ABL2: variants seen among roughly 807,000 people sequenced by gnomAD.
The protein encoded by ABL2 is ABL proto-oncogene 2, non-receptor tyrosine kinase.
ABL2 carries 49 observed loss-of-function variants against 107.7 expected under a neutral mutation model. That is an observed-to-expected ratio of 0.45 (90% confidence interval 0.36 to 0.58). The LOEUF (loss-of-function observed/expected upper bound fraction) is 0.58. Ranked by LOEUF, ABL2 falls within the 20% of genes least tolerant of loss-of-function variation. ABL2 has a pLI of 0.00. For synonymous variants in ABL2, 549 were observed against 548.6 expected (o/e 1.00, Z -0.01); for missense variants, 1,245 against 1,457.0 (o/e 0.85, Z 2.37).
At chr1:179,211,883 T>C (rs1358566022) in intron 1 of ABL2, among the ~76,000 whole-genome samples, 1 of 152,182 alleles carries the variant, frequency 6.6e-6, no homozygotes, top group Admixed American at 6.5e-5. Context: ...GAATAAAATC[T>C]GCACTGTAAC....
chr1:179,161,198 A>C (rs760170794), intron 1 of ABL2, among the ~76,000 whole-genome samples: 11 of 152,078 alleles, frequency 7.2e-5, no homozygotes, highest in Admixed American at 2.0e-4. Flanking sequence ...TCAAGGTATG[A>C]ATTACAGTAT....
chr1:179,118,027 C>T (rs1654824285), intron 7 of ABL2, among the ~76,000 whole-genome samples: 2 of 151,954 alleles, frequency 1.3e-5, no homozygotes, highest in Non-Finnish European at 2.9e-5. Context: ...GTGGCATATT[C>T]CCGTAATCCC....
At chr1:179,201,597 T>G in intron 1 of ABL2, 1 of 404,068 alleles carries the variant, frequency 2.5e-6, no homozygotes. Flanking sequence ...GGGCTGGTTA[T>G]TTCCTCTGCC....
chr1:179,099,407 G>A lies in ABL2; in HGVS notation c.*8311C>T, dbSNP rs1230395901. The A allele has an allele frequency of 4.7e-6, 1 of 210,824 alleles. No individual in the cohort carries two copies. The highest frequency in any genetic ancestry group is 2.3e-5 in the African/African-American group (1 of 44,128). The allele number at this position is 210,824 out of a possible 1,614,324, so 13.1% of individuals were successfully genotyped here. ...ACCTTGTGAGAAGACAGAGAAAGCA[G>A]TCCCTTTCAAGGGCCTCATTTATTT... is the stretch of plus-strand genomic sequence containing the variant. On this transcript the variant is annotated 3_prime_UTR_variant, in exon 12 of 12. Transcript: ENST00000502732.
Position 179,120,294 on chromosome 1 carries a change from A to G in ABL2, c.961-20T>C. ...ATCTTCCTAGAAAAAGGGAAAGGTAAGAAAGAAGAAAACGAGAGGGACAAA... is the reference window on the plus strand; with the variant it reads ...ATCTTCCTAGAAAAAGGGAAAGGTAGGAAAGAAGAAAACGAGAGGGACAAA... On this transcript the variant is annotated intron_variant, in intron 5 of 11. Coordinates refer to ENST00000502732, the MANE Select transcript of ABL2 (RefSeq NM_007314.4). The G allele has an allele frequency of 6.5e-7, 1 of 1,543,194 alleles. No homozygotes were observed. Among genetic ancestry groups the G allele is most frequent in the Non-Finnish European group, 8.9e-7 (1 of 1,122,494 alleles).
intron 1 of ABL2, among the ~76,000 whole-genome samples, chr1:179,193,741 T>C (rs1035720500): frequency 6.6e-6 from 1 of 151,410 alleles, no homozygotes; most frequent in Non-Finnish European, 1.5e-5. Flanking sequence ...GTTTTTTTGG[T>C]TTTTTTTGGA....
At chr1:179,127,797 TGA>T (rs1297680324) in intron 3 of ABL2, among the ~76,000 whole-genome samples, 2 of 152,010 alleles carry the variant, frequency 1.3e-5, no homozygotes, top group African/African-American at 4.8e-5. Context: ...TTTGGGAGGC[TGA>T]GAGGGGCGGA....
intron 4 of ABL2, among the ~76,000 whole-genome samples, chr1:179,125,369 G>A (rs1465149266): frequency 2.6e-5 from 4 of 152,318 alleles, no homozygotes; most frequent in East Asian, 1.9e-4. Context: ...TTCTACTGTT[G>A]TTAGATCTGT....
chr1:179,216,889 G>T (rs1336793524), intron 1 of ABL2, among the ~76,000 whole-genome samples: 1 of 151,420 alleles, frequency 6.6e-6, no homozygotes, highest in Non-Finnish European at 1.5e-5. Context: ...TCACCACATT[G>T]GCCAGGCTGG....
intron 1 of ABL2, among the ~76,000 whole-genome samples, chr1:179,197,767 G>A (rs1473249986): frequency 6.6e-6 from 1 of 151,554 alleles, no homozygotes; most frequent in African/African-American, 2.4e-5. Flanking sequence ...TAATCGGGAG[G>A]CTAAGACAGG....
At chr1:179,136,237 T>C (rs1269133001) in intron 1 of ABL2, among the ~76,000 whole-genome samples, 2 of 151,618 alleles carry the variant, frequency 1.3e-5, no homozygotes, top group African/African-American at 2.4e-5. Flanking sequence ...GAATGGGCCA[T>C]GATGACAATG....
At position 179,126,188 on chromosome 1, in the gene ABL2, A is replaced by T. The variant is rs775528567; in HGVS notation, c.687+189T>A. ...AAAATATTAATATAATACTGTTTTT[A>T]AAAATTTCTATTACCATATCCTTTT... On this transcript the variant is annotated intron_variant, in intron 4 of 11. Coordinates refer to ENST00000502732, the MANE Select transcript of ABL2 (RefSeq NM_007314.4). This position sits in a 1 kb window ranked among gnomAD's most constrained non-coding sequence, Gnocchi z 4.4. 2.6e-5 allele frequency among the ~76,000 whole-genome samples: 4 copies of T among 152,196 alleles called. No individual in the cohort carries two copies. Among genetic ancestry groups the T allele is most frequent in the Non-Finnish European group, 5.9e-5 (4 of 68,040 alleles).
chr1:179,154,470 A>G (rs552365666), intron 1 of ABL2, among the ~76,000 whole-genome samples: 1 of 152,304 alleles, frequency 6.6e-6, no homozygotes, highest in East Asian at 1.9e-4. Context: ...TGAGCCACAT[A>G]TTGTGTCTAC....
rs893112042 is a variant in ABL2, at chr1:179,229,626, C to T, written c.-229G>A. ...TCCCTCCTCCTGTCGCGGCTCCGCG[C>T]CCCCAACGCCGCCGCCGCCGCCGCC... On this transcript the variant is annotated 5_prime_UTR_variant, in exon 1 of 12. Transcript: ENST00000502732. The T allele has an allele frequency of 7.9e-6, 4 of 507,738 alleles. No individual in the cohort carries two copies. Among genetic ancestry groups the T allele is most frequent in the East Asian group, 3.7e-5 (1 of 27,252 alleles). The allele number at this position is 507,738 out of a possible 1,614,324, so 31.5% of individuals were successfully genotyped here. A position where few individuals can be genotyped will look rare whatever the true frequency, so the allele number is the denominator to read the frequency against.
intron 1 of ABL2, among the ~76,000 whole-genome samples, chr1:179,211,340 A>C (rs1662260693): frequency 6.6e-6 from 1 of 151,952 alleles, no homozygotes; most frequent in South Asian, 2.1e-4. Flanking sequence ...GCAACAAAAG[A>C]GATGTAATCC....
Position 179,115,071 on chromosome 1 carries a change from C to T in ABL2, c.1409-41G>A, listed in dbSNP as rs200861560. The T allele has an allele frequency of 2.8e-4, 421 of 1,530,324 alleles. 1 individual carries two copies. The highest frequency in any genetic ancestry group is 1.4e-3 in the South Asian group (104 of 74,934). 94.8% of individuals were successfully genotyped at this position (1,530,324 alleles called of 1,614,324 possible). A position where few individuals can be genotyped will look rare whatever the true frequency, so the allele number is the denominator to read the frequency against. On this transcript the variant is annotated intron_variant, in intron 8 of 11. Transcript: ENST00000502732. ...AAAAAAGCACTTAGTGTTTCTTCTCCGATTATTTATTTTACATAATTAGGT... is the reference window on the plus strand; with the variant it reads ...AAAAAAGCACTTAGTGTTTCTTCTCTGATTATTTATTTTACATAATTAGGT...
chr1:179,193,241 C>A (rs1475851617), intron 1 of ABL2, among the ~76,000 whole-genome samples: 5 of 152,118 alleles, frequency 3.3e-5, no homozygotes, highest in Non-Finnish European at 7.4e-5. Context: ...TGTGGCAACA[C>A]TACCAGAAAA....
Position 179,100,232 on chromosome 1 carries a change from T to C in ABL2, c.*7486A>G, listed in dbSNP as rs77457023. The C allele has an allele frequency of 1.7e-4, 38 of 228,116 alleles. No homozygotes were observed. The highest frequency in any genetic ancestry group is 7.6e-4 in the East Asian group (12 of 15,862). 14.1% of individuals were successfully genotyped at this position (228,116 alleles called of 1,614,324 possible). On this transcript the variant is annotated 3_prime_UTR_variant, in exon 12 of 12. Transcript: ENST00000502732. ...GAGGCCAAATGGCCACAGTGAGAAATTGCTGTCAAAATGGAGGAGAGCTGG... is the reference window on the plus strand; with the variant it reads ...GAGGCCAAATGGCCACAGTGAGAAACTGCTGTCAAAATGGAGGAGAGCTGG...
rs372101680 is a variant in ABL2, at chr1:179,117,532, C to G, written c.1224-16G>C. ...TGCAAGATCTCTGTGGGAAAGAGAA[C>G]CCTAATGTGATTCCATTCAGATGGT... On this transcript the variant is annotated splice_polypyrimidine_tract_variant and intron_variant, in intron 7 of 11. Transcript: ENST00000502732. The G allele has an allele frequency of 1.2e-6, 2 of 1,612,680 alleles. No individual in the cohort carries two copies. Among genetic ancestry groups the G allele is most frequent in the African/African-American group, 2.7e-5 (2 of 74,882 alleles).
Sources: gnomAD v4.1 joint callset for allele counts (sites outside exome capture counted in the v4.1 genomes callset) on GRCh38, gnomAD v4.1.1 for gene constraint, Gnocchi (gnomAD v3.1) non-coding constraint, MANE v1.5 for transcripts, NCBI Gene and HGNC (gene_info 2026-07-23, HGNC 2026-07-21) for gene names.